The following INPP4A variants were observed in gnomAD, a reference collection of about 807,000 sequenced individuals.
INPP4A encodes inositol polyphosphate-4-phosphatase type I A.
A neutral mutation model predicts 119.8 loss-of-function variants in INPP4A; 33 were observed. That is an observed-to-expected ratio of 0.28 (90% confidence interval 0.21 to 0.37). The LOEUF (loss-of-function observed/expected upper bound fraction) is 0.37. Among genes scored for constraint, INPP4A ranks in the 10% least tolerant of loss-of-function variants. The probability of loss-of-function intolerance (pLI) is 1.00; values close to 1 mark genes in which losing one functional copy is unlikely to be tolerated. For synonymous variants in INPP4A, 496 were observed against 500.7 expected (o/e 0.99, Z 0.12); for missense variants, 956 against 1,289.9 (o/e 0.74, Z 3.97).
intron 23 of INPP4A, among the ~76,000 whole-genome samples, chr2:98,576,611 C>T (rs903195598): frequency 7.2e-5 from 11 of 152,152 alleles, no homozygotes; most frequent in African/African-American, 1.7e-4. Flanking sequence ...TCATATTTGC[C>T]GCCCTCTTTC....
intron 11 of INPP4A, among the ~76,000 whole-genome samples, chr2:98,545,426 A>G (rs1692294441): frequency 1.3e-5 from 2 of 152,194 alleles, no homozygotes; most frequent in South Asian, 4.1e-4. Flanking sequence ...GTGTGTCAGA[A>G]GGCCGGAATC....
intron 17 of INPP4A, among the ~76,000 whole-genome samples, chr2:98,562,731 A>C (rs1263763633): frequency 6.6e-6 from 1 of 152,072 alleles, no homozygotes; most frequent in Non-Finnish European, 1.5e-5. Flanking sequence ...CAAAACCCAA[A>C]ATATCTTTCA....
At chr2:98,475,582 T>C (rs1311658346) in intron 1 of INPP4A, among the ~76,000 whole-genome samples, 3 of 152,254 alleles carry the variant, frequency 2.0e-5, no homozygotes, top group African/African-American at 7.2e-5. Context: ...TTGTAAAATT[T>C]AGCAGGACAT....
intron 18 of INPP4A, among the ~76,000 whole-genome samples, 157 bp from the exon 19 acceptor site, chr2:98,564,483 T>C (rs1696062339): frequency 6.6e-6 from 1 of 152,004 alleles, no homozygotes; most frequent in Admixed American, 6.5e-5. Flanking sequence ...GGCCAGGGCA[T>C]GCCCCACCTG....
chr2:98,448,041 T>G, intron 1 of INPP4A, among the ~76,000 whole-genome samples: 1 of 115,500 alleles, frequency 8.7e-6, no homozygotes. Flanking sequence ...AGTGAGACTC[T>G]GTCTCAAAAA....
At chr2:98,465,220 C>A (rs764141176) in intron 1 of INPP4A, among the ~76,000 whole-genome samples, 2 of 152,216 alleles carry the variant, frequency 1.3e-5, no homozygotes, top group African/African-American at 4.8e-5. Flanking sequence ...ATGTTCCCTC[C>A]AGTAGCTTAG....
At chr2:98,451,252 A>C (rs1695171190) in intron 1 of INPP4A, among the ~76,000 whole-genome samples, 2 of 152,170 alleles carry the variant, frequency 1.3e-5, no homozygotes, top group Admixed American at 1.3e-4. Context: ...CCTAACCTGG[A>C]GCATGGGTGA....
At chr2:98,494,290 C>T (rs1277411370) in intron 1 of INPP4A, among the ~76,000 whole-genome samples, 1 of 152,184 alleles carries the variant, frequency 6.6e-6, no homozygotes, top group East Asian at 1.9e-4. Flanking sequence ...CTAGCCCCTA[C>T]TCATAGGGCA....
At chr2:98,461,503 C>A (rs1697150217) in intron 1 of INPP4A, among the ~76,000 whole-genome samples, 1 of 152,252 alleles carries the variant, frequency 6.6e-6, no homozygotes, top group African/African-American at 2.4e-5. Context: ...CAAAAACCTC[C>A]CTGTACTTAA....
chr2:98,473,507 G>A lies in INPP4A; in HGVS notation c.-166+28422G>A, dbSNP rs138313210. 4.7e-3 allele frequency among the ~76,000 whole-genome samples: 711 copies of A among 152,160 alleles called. 4 individuals are homozygous for A. The highest frequency in any genetic ancestry group is 6.6e-3 in the Non-Finnish European group (449 of 67,976). On this transcript the variant is annotated intron_variant, in intron 1 of 24. Coordinates refer to ENST00000409851, the MANE Select transcript of INPP4A (RefSeq NM_001134225.2). ...GCAGTGTGGGTGCAGTTGAGAGTGT[G>A]GAGGGCAGTGTAGGTGCAGTGTAGA...
At chr2:98,524,444 A>G (rs1278484003) in intron 4 of INPP4A, among the ~76,000 whole-genome samples, 1 of 152,154 alleles carries the variant, frequency 6.6e-6, no homozygotes, top group Non-Finnish European at 1.5e-5. Flanking sequence ...TGAAATTTAG[A>G]TAGGCTGGGT....
chr2:98,480,681 A>G (rs1302971775), intron 1 of INPP4A, among the ~76,000 whole-genome samples: 1 of 152,154 alleles, frequency 6.6e-6, no homozygotes, highest in African/African-American at 2.4e-5. Context: ...GCTCCCGTGC[A>G]TTTGCACACA....
intron 1 of INPP4A, among the ~76,000 whole-genome samples, chr2:98,446,127 G>C (rs1360563813): frequency 6.6e-6 from 1 of 152,260 alleles, no homozygotes; most frequent in Non-Finnish European, 1.5e-5. Context: ...GCCGCTTGCT[G>C]ACTCTGGTTC....
intron 1 of INPP4A, among the ~76,000 whole-genome samples, chr2:98,492,568 T>G (rs1271452759): frequency 6.6e-6 from 1 of 152,182 alleles, no homozygotes; most frequent in Non-Finnish European, 1.5e-5. Context: ...GGAGGAGATC[T>G]CAAAGGGGTG....
intron 1 of INPP4A, among the ~76,000 whole-genome samples, chr2:98,509,253 C>G (rs1430633030): frequency 6.6e-6 from 1 of 152,204 alleles, no homozygotes; most frequent in Non-Finnish European, 1.5e-5. Flanking sequence ...GGCCTGTGGC[C>G]TGTTAGGAAC....
At chr2:98,486,538 G>A (rs3769728) in intron 1 of INPP4A, among the ~76,000 whole-genome samples, 36,523 of 152,216 alleles carry the variant, frequency 0.24, 4,578 homozygotes, top group Middle Eastern at 0.35. Flanking sequence ...AGGGGTTCCT[G>A]TTCTGGCAGA....
At chr2:98,564,955 A>T (rs1696165945) in intron 19 of INPP4A, among the ~76,000 whole-genome samples, 192 bp downstream of exon 19, 1 of 152,262 alleles carries the variant, frequency 6.6e-6, no homozygotes. Flanking sequence ...TTGCTGGTTG[A>T]GGATGGATGC....
At chr2:98,537,330 G>A (rs534255968) in intron 7 of INPP4A, among the ~76,000 whole-genome samples, 38 of 152,324 alleles carry the variant, frequency 2.5e-4, no homozygotes, top group African/African-American at 8.9e-4. Context: ...GGGTAAAGCT[G>A]ACTGAGGCTG....
intron 5 of INPP4A, 53 bp from the exon 6 acceptor site, chr2:98,535,676 T>A (rs535957780): frequency 7.7e-6 from 6 of 777,008 alleles, no homozygotes; most frequent in Non-Finnish European, 1.3e-5. Context: ...TCAAAAGCAA[T>A]TACATTTTAA....
Sources: allele counts gnomAD v4.1 joint callset (sites outside exome capture counted in the v4.1 genomes callset), GRCh38; gene constraint gnomAD v4.1.1; transcripts MANE v1.5; gene names NCBI Gene and HGNC (gene_info 2026-07-23, HGNC 2026-07-21).